Variants in MYZAP observed in about 807,000 individuals in gnomAD.
The protein encoded by MYZAP is myocardial zonula adherens protein, also known as GRINL1A complex locus upstream.
A neutral mutation model predicts 69.4 loss-of-function variants in MYZAP; 66 were observed. That is an observed-to-expected ratio of 0.95 (90% CI 0.78 to 1.17). MYZAP has a LOEUF of 1.17. MYZAP is among the 50% of genes most tolerant of loss of function. The pLI, the probability that MYZAP is intolerant of heterozygous loss-of-function variation, is 0.00. For missense variants in MYZAP, 611 were observed against 556.2 expected, an observed-to-expected ratio of 1.10 and a Z score of -0.99; for synonymous variants, 256 against 205.9, an observed-to-expected ratio of 1.24 and a Z score of -2.09.
intron 11 of MYZAP, among the ~76,000 whole-genome samples, chr15:57,667,540 G>A (rs1325084264): frequency 1.3e-5 from 2 of 152,180 alleles, no homozygotes; most frequent in African/African-American, 4.8e-5. Flanking sequence ...GCAGTCTGAG[G>A]CTATTCTTTG....
chr15:57,646,073 G>C (rs1419268099), intron 10 of MYZAP: 2 of 1,015,212 alleles, frequency 2.0e-6, no homozygotes, highest in Non-Finnish European at 2.7e-6. Flanking sequence ...CCAAATGGGG[G>C]TAGGGGAAAG....
chr15:57,634,991 T>C (rs1443934708), intron 8 of MYZAP, among the ~76,000 whole-genome samples: 1 of 152,128 alleles, frequency 6.6e-6, no homozygotes, highest in African/African-American at 2.4e-5. Flanking sequence ...AGATGCTCTC[T>C]CTCTGGGCAG....
At chr15:57,676,787 G>A (rs1354194034) in intron 12 of MYZAP, among the ~76,000 whole-genome samples, 2 of 152,088 alleles carry the variant, frequency 1.3e-5, no homozygotes, top group Non-Finnish European at 2.9e-5. Flanking sequence ...AACTTTTATG[G>A]CTAAGTTATG....
intron 12 of MYZAP, among the ~76,000 whole-genome samples, chr15:57,681,754 C>T (rs1216098755): frequency 2.6e-5 from 4 of 151,836 alleles, no homozygotes; most frequent in Admixed American, 2.6e-4. Context: ...CACTGCACTC[C>T]AGCCTGGGCA....
At chr15:57,625,326 G>A (rs1295922544) in intron 4 of MYZAP, among the ~76,000 whole-genome samples, 1 of 152,070 alleles carries the variant, frequency 6.6e-6, no homozygotes, top group Admixed American at 6.6e-5. Flanking sequence ...CGACCGCCTC[G>A]GCCTCCCACA....
chr15:57,661,537 A>G lies in MYZAP; in HGVS notation c.1203+4A>G. On this transcript the variant is annotated splice_donor_region_variant and intron_variant, in intron 11 of 12. Transcript: ENST00000267853. ...GATATCTTTCTTAGAAGGAGAGGTA[A>G]GGATCTCTGTTTCTTTAAGTTGGTG... 6.2e-7 allele frequency: 1 copy of G among 1,606,454 alleles called. No individual in the cohort carries two copies. The highest frequency in any genetic ancestry group is 2.2e-5 in the East Asian group (1 of 44,736).
At chr15:57,676,403 T>G (rs1480050652) in intron 12 of MYZAP, among the ~76,000 whole-genome samples, 1 of 12,446 alleles carries the variant, frequency 8.0e-5, no homozygotes, top group African/African-American at 1.2e-4. Context: ...GTTGAATATA[T>G]ATATATGTAT....
rs988182552 is a variant in MYZAP, at chr15:57,597,532, G to C, written c.75+5423G>C. Among the ~76,000 whole-genome samples the C allele has an allele frequency of 8.5e-5, 13 of 152,294 alleles. No individual in the cohort carries two copies. In the South Asian group the frequency reaches 2.7e-3, roughly 32 times the overall value. ...GGGCAGGGTGGTGATGGGGCAGGGA[G>C]GGGGAGTCCTCGCACTCCAAGTCAC... On this transcript the variant is annotated intron_variant, in intron 1 of 12. Transcript: ENST00000267853.
chr15:57,625,222 C>T (rs886268159), intron 4 of MYZAP, among the ~76,000 whole-genome samples: 4 of 152,052 alleles, frequency 2.6e-5, no homozygotes, highest in South Asian at 2.1e-4. Flanking sequence ...TACAAGCGTG[C>T]GTCACCATGC....
At chr15:57,646,656 A>G in intron 10 of MYZAP, 2 of 991,224 alleles carry the variant, frequency 2.0e-6, no homozygotes, top group South Asian at 4.6e-5. Flanking sequence ...CCAAGAAAGT[A>G]CAGGAGCAGC....
intron 11 of MYZAP, among the ~76,000 whole-genome samples, chr15:57,666,834 G>C (rs2038595463): frequency 6.6e-6 from 1 of 152,050 alleles, no homozygotes; most frequent in Non-Finnish European, 1.5e-5. Context: ...ATGTGAAAAA[G>C]AAAATCTTCC....
At chr15:57,604,414 T>C (rs1159330822) in intron 2 of MYZAP, 59 bp downstream of exon 2, 1 of 1,583,266 alleles carries the variant, frequency 6.3e-7, no homozygotes, top group Non-Finnish European at 8.6e-7. Context: ...CTTAACCCAC[T>C]CTCCCATCTC....
chr15:57,675,020 C>T lies in MYZAP; in HGVS notation c.1256C>T (p.Thr419Ile). 6.2e-7 allele frequency: 1 copy of T among 1,613,462 alleles called. No individual in the cohort carries two copies. Among genetic ancestry groups the T allele is most frequent in the Non-Finnish European group, 8.5e-7 (1 of 1,179,572 alleles). Reference protein sequence around the residue: ...LDYLTETQAKTEVETREIGVG... With the variant: ...LDYLTETQAKIEVETREIGVG... ...TATTTAACAGAAACCCAGGCCAAGA[C>T]CGAAGTGGAAACCAGAGAGATAGGA... The change falls in exon 12 of 13, where the codon ACC becomes ATC. Residue 419 changes from threonine to isoleucine, a missense_variant. Coordinates refer to ENST00000267853, the MANE Select transcript of MYZAP (RefSeq NM_001018100.5).
chr15:57,618,754 C>T (rs1221394858), intron 3 of MYZAP, among the ~76,000 whole-genome samples: 2 of 152,132 alleles, frequency 1.3e-5, no homozygotes, highest in African/African-American at 4.8e-5. Flanking sequence ...TCATCCAGAG[C>T]AATTGTTAAC....
At chr15:57,654,998 C>G (rs1168956000) in intron 10 of MYZAP, among the ~76,000 whole-genome samples, 1 of 152,102 alleles carries the variant, frequency 6.6e-6, no homozygotes, top group East Asian at 1.9e-4. Flanking sequence ...ATAATTGATG[C>G]ACTAAACACT....
intron 1 of MYZAP, among the ~76,000 whole-genome samples, chr15:57,602,449 T>C (rs550237262): frequency 6.6e-6 from 1 of 152,184 alleles, no homozygotes; most frequent in Admixed American, 6.5e-5. Flanking sequence ...CCCACTCTTA[T>C]AAGGACACCA....
intron 2 of MYZAP, among the ~76,000 whole-genome samples, chr15:57,616,184 T>G (rs1469318912): frequency 6.6e-6 from 1 of 152,222 alleles, no homozygotes; most frequent in Non-Finnish European, 1.5e-5. Context: ...CCACAATGAA[T>G]GATTTTCAAA....
chr15:57,636,118 C>A (rs1392788948), intron 8 of MYZAP, among the ~76,000 whole-genome samples: 1 of 151,890 alleles, frequency 6.6e-6, no homozygotes, highest in African/African-American at 2.4e-5. Flanking sequence ...TTTATGACAG[C>A]CTTTTTCTTT....
intron 12 of MYZAP, among the ~76,000 whole-genome samples, chr15:57,679,106 G>A (rs569488106): frequency 6.6e-6 from 1 of 152,232 alleles, no homozygotes; most frequent in Non-Finnish European, 1.5e-5. Flanking sequence ...AACCCAAGAG[G>A]TGGAGGTTGT....
Sources: gnomAD v4.1 joint callset for allele counts (sites outside exome capture counted in the v4.1 genomes callset) on GRCh38, gnomAD v4.1.1 for gene constraint, MANE v1.5 for transcripts, NCBI Gene and HGNC (gene_info 2026-07-23, HGNC 2026-07-21) for gene names.